Variants in TGM5 observed in about 807,000 individuals in gnomAD.
The protein encoded by TGM5 is protein-glutamine gamma-glutamyltransferase 5.
TGM5 carries 69 observed loss-of-function variants against 77.2 expected under a neutral mutation model. The observed-to-expected ratio is 0.89, with a 90% CI of 0.74 to 1.09. The LOEUF is 1.09. Among genes scored for constraint, TGM5 ranks in the 50% least tolerant of loss-of-function variants. The pLI is 0.00. For missense variants in TGM5, 842 were observed against 896.5 expected, an observed-to-expected ratio of 0.94 and a Z score of 0.78; for synonymous variants, 346 against 351.8, an observed-to-expected ratio of 0.98 and a Z score of 0.18.
chr15:43,235,693 G>A lies in TGM5; in HGVS notation c.1490C>T (p.Pro497Leu). 6.2e-7 allele frequency: 1 copy of A among 1,614,202 alleles called. No individual in the cohort carries two copies. Among genetic ancestry groups the A allele is most frequent in the South Asian group, 1.1e-5 (1 of 91,088 alleles). The change falls in exon 10 of 13, where the codon CCT becomes CTT. Residue 497 changes from proline to leucine, a missense_variant. This residue lies in a region of TGM5 where 815 missense variants were observed against 844.6 expected (regional missense o/e 0.96). Transcript: ENST00000220420. ...SQDSPRSLHT[P>L]SLRPSDVVQV... ...CACCACATCACTGGGTCGAAGGGAA[G>A]GTGTATGCAGGCTCCGAGGGCTGTC...
chr15:43,235,759 C>T lies in TGM5; in HGVS notation c.1424G>A (p.Gly475Glu). The change falls in exon 10 of 13, where the codon GGA (glycine) becomes GAA (glutamate). Residue 475 changes from glycine to glutamate, a missense_variant. Around this residue, in one of 2 missense-constraint regions of TGM5, gnomAD observed 815 missense variants for 844.6 expected, o/e 0.96. Transcript: ENST00000220420. ...KARSFHGSQR[G>E]AELQPSRPTS... ...GGGCCTGGAAGGTTGCAACTCTGCTCCTCTTTGGGAGCCATGGAAGCTTCT... is the reference window on the plus strand; with the variant it reads ...GGGCCTGGAAGGTTGCAACTCTGCTTCTCTTTGGGAGCCATGGAAGCTTCT... 1 of 1,614,180 alleles carries T rather than the reference C, an allele frequency of 6.2e-7. No homozygotes were observed. The highest frequency in any genetic ancestry group is 8.5e-7 in the Non-Finnish European group (1 of 1,180,036).
chr15:43,236,817 A>T (rs890373396), intron 9 of TGM5, among the ~76,000 whole-genome samples: 2 of 151,884 alleles, frequency 1.3e-5, no homozygotes, highest in African/African-American at 4.8e-5. Context: ...AAATACAAAA[A>T]ATTTAGCCAG....
chr15:43,264,847 C>T (rs1405791528), intron 1 of TGM5, among the ~76,000 whole-genome samples: 1 of 152,164 alleles, frequency 6.6e-6, no homozygotes, highest in African/African-American at 2.4e-5. Context: ...ATAAGTATTA[C>T]ACTTTATGTT....
intron 12 of TGM5, 39 bp from the exon 13 acceptor site, chr15:43,233,383 A>G: frequency 6.2e-7 from 1 of 1,612,202 alleles, no homozygotes; most frequent in Non-Finnish European, 8.5e-7. Context: ...AACCAAAAGC[A>G]TGATAATGAC....
chr15:43,264,577 A>C (rs2042812491), intron 1 of TGM5, among the ~76,000 whole-genome samples: 1 of 152,228 alleles, frequency 6.6e-6, no homozygotes, highest in Non-Finnish European at 1.5e-5. Flanking sequence ...ATTCATAGAG[A>C]CAGAAAGTAG....
intron 6 of TGM5, among the ~76,000 whole-genome samples, chr15:43,242,956 G>A (rs970369844): frequency 2.0e-5 from 3 of 152,238 alleles, no homozygotes; most frequent in Non-Finnish European, 4.4e-5. Flanking sequence ...TGCCAAAGAA[G>A]AGGGCAGGGA....
chr15:43,249,113 G>A (rs1296614647), intron 6 of TGM5, among the ~76,000 whole-genome samples: 1 of 152,038 alleles, frequency 6.6e-6, no homozygotes, highest in East Asian at 1.9e-4. Flanking sequence ...GAAGAGGGAT[G>A]ATGCTGTACA....
At chr15:43,265,641 T>A (rs2042818791) in intron 1 of TGM5, among the ~76,000 whole-genome samples, 1 of 152,190 alleles carries the variant, frequency 6.6e-6, no homozygotes, top group Non-Finnish European at 1.5e-5. Context: ...GGTGAGATGA[T>A]CAGGAAATAA....
intron 4 of TGM5, among the ~76,000 whole-genome samples, chr15:43,254,617 C>T (rs1025149958): frequency 6.6e-6 from 1 of 152,180 alleles, no homozygotes; most frequent in Non-Finnish European, 1.5e-5. Context: ...CAACCTACCT[C>T]TCCAGCCTCA....
At position 43,253,508 on chromosome 15, in the gene TGM5, T is replaced by C. The variant is rs748187739; in HGVS notation, c.682A>G (p.Met228Val). 3 of 1,611,902 alleles carry C rather than the reference T, an allele frequency of 1.9e-6. No homozygotes were observed. The East Asian group carries it at 6.7e-5, about 36-fold the overall frequency. ...CCCGGGCACGCCAGGGACCTCACCA[T>C]GGCACACACCACTCTGCTGACGTAG... ...PVYVSRVVCA[M>V]INSNDDNGVL... The change falls in exon 5 of 13, where the codon ATG (methionine) becomes GTG (valine). Residue 228 changes from methionine to valine, a missense_variant and splice_region_variant. Met to Val is a conservative substitution (Grantham distance 21, BLOSUM62 1). This residue lies in a region of TGM5 where 815 missense variants were observed against 844.6 expected (regional missense o/e 0.96). Coordinates refer to ENST00000220420, the MANE Select transcript of TGM5 (RefSeq NM_201631.4).
intron 7 of TGM5, chr15:43,239,531 T>A (rs1596442401): frequency 2.0e-5 from 10 of 490,666 alleles, no homozygotes; most frequent in Admixed American, 3.3e-5. Flanking sequence ...AAAAAAAAAA[T>A]TAACTAGGCA....
At chr15:43,251,390 G>T (rs1039756871) in intron 6 of TGM5, among the ~76,000 whole-genome samples, 1 of 152,088 alleles carries the variant, frequency 6.6e-6, no homozygotes, top group Non-Finnish European at 1.5e-5. Flanking sequence ...CTTCAGGGAA[G>T]TTGCATTCTT....
At chr15:43,234,100 T>G (rs2042569445) in intron 11 of TGM5, among the ~76,000 whole-genome samples, 1 of 152,188 alleles carries the variant, frequency 6.6e-6, no homozygotes, top group South Asian at 2.1e-4. Flanking sequence ...TCCTTTCCTT[T>G]TCTCTTGTCA....
rs753881252 is a variant in TGM5, at chr15:43,266,854, G to A, written c.-5C>T. On this transcript the variant is annotated 5_prime_UTR_variant, in exon 1 of 13. Coordinates refer to ENST00000220420, the MANE Select transcript of TGM5 (RefSeq NM_201631.4). ...GCTTTCCCTACCTTGGGCCATGGTA[G>A]CTGCCTCCGGTTCCTGGGATGCTCC... 2 of 1,613,984 alleles carry A rather than the reference G, an allele frequency of 1.2e-6. No homozygotes were observed. Among genetic ancestry groups the A allele is most frequent in the Non-Finnish European group, 1.7e-6 (2 of 1,180,018 alleles).
intron 9 of TGM5, among the ~76,000 whole-genome samples, chr15:43,236,467 C>T (rs2042591021): frequency 6.6e-6 from 1 of 152,128 alleles, no homozygotes; most frequent in African/African-American, 2.4e-5. Context: ...CCCTGTGGGC[C>T]GCATGTGCAG....
intron 1 of TGM5, among the ~76,000 whole-genome samples, chr15:43,265,188 G>C (rs907545831): frequency 6.6e-6 from 1 of 152,166 alleles, no homozygotes; most frequent in Non-Finnish European, 1.5e-5. Flanking sequence ...CAAGGTTCAG[G>C]TGGGTTAAAT....
intron 6 of TGM5, among the ~76,000 whole-genome samples, chr15:43,247,158 C>CAAA (rs763763932): frequency 5.6e-5 from 3 of 53,636 alleles, no homozygotes; most frequent in Non-Finnish European, 8.3e-5. Context: ...GACTCTGTCT[C>CAAA]AAAAAAAAAA....
At chr15:43,235,268 GGGAGGGAGGGAA>G (rs1327107590) in intron 10 of TGM5, among the ~76,000 whole-genome samples, 189 bp downstream of exon 10, 1 of 150,854 alleles carries the variant, frequency 6.6e-6, no homozygotes, top group Non-Finnish European at 1.5e-5. Context: ...AAGGAAGAGA[GGGAGGGAGGGAA>G]GGAGGGAGGG....
Position 43,233,210 on chromosome 15 carries a change from TA to T in TGM5, c.2143del (p.Tyr715MetfsTer2). 6.2e-7 allele frequency: 1 copy of T among 1,614,192 alleles called. No individual in the cohort carries two copies. The highest frequency in any genetic ancestry group is 8.5e-7 in the Non-Finnish European group (1 of 1,180,028). On this transcript the variant is annotated frameshift_variant, in exon 13 of 13. Coordinates refer to ENST00000220420, the MANE Select transcript of TGM5 (RefSeq NM_201631.4). LOFTEE classifies it high-confidence loss of function. ...FKDIKGYRNV[Y>X]VDFAL The stretch of plus-strand genomic sequence containing the variant: ...CAGAATTTATAATGCAAAGTCTACA[TA>T]AACATTCCTGTAACCCTTAATGTCC...
Sources: allele counts gnomAD v4.1 joint callset (sites outside exome capture counted in the v4.1 genomes callset), GRCh38; gene constraint gnomAD v4.1.1; regional missense constraint gnomAD v4.1.1; transcripts MANE v1.5; gene names NCBI Gene and HGNC (gene_info 2026-07-23, HGNC 2026-07-21).